The following JAKMIP1 variants were observed in gnomAD, a reference collection of about 807,000 sequenced individuals.
JAKMIP1 encodes the protein janus kinase and microtubule interacting protein 1.
JAKMIP1 carries 33 observed loss-of-function variants against 113.0 expected under a neutral mutation model. The ratio of observed to expected loss-of-function variants is 0.29; its 90% CI spans 0.22 to 0.39. The LOEUF is 0.39. JAKMIP1 is among the 10% of genes least tolerant of loss of function. JAKMIP1 has a pLI of 1.00. For synonymous variants in JAKMIP1, 480 were observed against 459.9 expected, an observed-to-expected ratio of 1.04 and a Z score of -0.56; for missense variants, 813 against 1,080.5, an observed-to-expected ratio of 0.75 and a Z score of 3.47.
intron 8 of JAKMIP1, among the ~76,000 whole-genome samples, chr4:6,077,404 G>A (rs1719829799): frequency 6.6e-6 from 1 of 152,088 alleles, no homozygotes; most frequent in Non-Finnish European, 1.5e-5. Context: ...GGGTTTTAGA[G>A]GGAGGGAACG....
rs114314262 is a variant in JAKMIP1, at chr4:6,137,812, G to A, written c.-147-24815C>T. On this transcript the variant is annotated intron_variant, in intron 1 of 20. Coordinates refer to ENST00000409021, the MANE Select transcript of JAKMIP1 (RefSeq NM_001099433.2). This position sits in a 1 kb window ranked among gnomAD's most constrained non-coding sequence, Gnocchi z 4.5. ...TGAGAGCCAGGTGGGGATAGGACAA[G>A]GTGCCCACTGGCTGGCATGGGCCTG... Among the ~76,000 whole-genome samples the A allele has an allele frequency of 2.2e-4, 33 of 152,366 alleles. No individual in the cohort carries two copies. The highest frequency in any genetic ancestry group is 7.2e-4 in the African/African-American group (30 of 41,588).
At position 6,185,741 on chromosome 4, in the gene JAKMIP1, G is replaced by A. The variant is rs1726590010; in HGVS notation, c.-148+14512C>T. On this transcript the variant is annotated intron_variant, in intron 1 of 20. Transcript: ENST00000409021. The surrounding 1 kb of genome is among the most constrained non-coding windows in gnomAD (Gnocchi z 5.3). ...CTGTGGTTCTGAGCTGCTCCCAGGT[G>A]AGGCTGCTGCTGGCCCAGGACCTCA... 6.6e-6 allele frequency among the ~76,000 whole-genome samples: 1 copy of A among 152,178 alleles called. No homozygotes were observed. The highest frequency in any genetic ancestry group is 2.4e-5 in the African/African-American group (1 of 41,438).
rs980629704 is a variant in JAKMIP1, at chr4:6,088,796, C to G, written c.625-3167G>C. Among the ~76,000 whole-genome samples the G allele has an allele frequency of 3.3e-5, 5 of 152,186 alleles. No homozygotes were observed. The highest frequency in any genetic ancestry group is 1.2e-4 in the African/African-American group (5 of 41,448). ...TGCCCTTGGGATGCTGATGAAATCT[C>G]AAGCTTCCTGGAACTGCTCACCTGA... On this transcript the variant is annotated intron_variant, in intron 3 of 20. Coordinates refer to ENST00000409021, the MANE Select transcript of JAKMIP1 (RefSeq NM_001099433.2). The surrounding 1 kb of genome is among the most constrained non-coding windows in gnomAD (Gnocchi z 5.5).
At position 6,157,853 on chromosome 4, in the gene JAKMIP1, A is replaced by T. The variant is rs1277206912; in HGVS notation, c.-148+42400T>A. Among the ~76,000 whole-genome samples the T allele has an allele frequency of 6.6e-6, 1 of 152,230 alleles. No homozygotes were observed. Among genetic ancestry groups the T allele is most frequent in the Non-Finnish European group, 1.5e-5 (1 of 68,036 alleles). On this transcript the variant is annotated intron_variant, in intron 1 of 20. Transcript: ENST00000409021. This position sits in a 1 kb window ranked among gnomAD's most constrained non-coding sequence, Gnocchi z 4.7. ...ACTTAAATTAGATGCCAACACAGCT[A>T]ACAGATTGTTGTCTATTTCCTTTCC...
chr4:6,126,542 C>T (rs961370975), intron 1 of JAKMIP1, among the ~76,000 whole-genome samples: 1 of 150,538 alleles, frequency 6.6e-6, no homozygotes, highest in South Asian at 2.1e-4. Flanking sequence ...CAGAAACACA[C>T]ACACACAAAC....
At chr4:6,079,437 A>T (rs747779458) in intron 7 of JAKMIP1, among the ~76,000 whole-genome samples, 3 of 152,150 alleles carry the variant, frequency 2.0e-5, no homozygotes, top group Non-Finnish European at 2.9e-5. Flanking sequence ...CAAAATGAAC[A>T]TGAAAATTAT....
chr4:6,049,734 AAAAAC>A lies in JAKMIP1; in HGVS notation c.1962+80_1962+84del, dbSNP rs907000654. On this transcript the variant is annotated intron_variant, in intron 15 of 20. Transcript: ENST00000409021. This position sits in a 1 kb window ranked among gnomAD's most constrained non-coding sequence, Gnocchi z 7.0. Reference sequence around the variant, plus strand: ...AGATCTCTTACATCAGAGAGAAATTAAAAACAAAACAAAACAAAAGTCACACAGAA... The same window carrying A: ...AGATCTCTTACATCAGAGAGAAATTAAAAACAAAACAAAAGTCACACAGAA... The A allele has an allele frequency of 1.5e-5, 15 of 1,034,226 alleles. No individual in the cohort carries two copies. The highest frequency in any genetic ancestry group is 1.1e-4 in the African/African-American group (7 of 63,046). 64.1% of individuals were successfully genotyped at this position (1,034,226 alleles called of 1,614,324 possible).
chr4:6,050,543 T>A lies in JAKMIP1; in HGVS notation c.1908+35A>T. 3 of 1,476,302 alleles carry A rather than the reference T, an allele frequency of 2.0e-6. No homozygotes were observed. The highest frequency in any genetic ancestry group is 2.8e-6 in the Non-Finnish European group (3 of 1,079,208). 91.5% of individuals were successfully genotyped at this position (1,476,302 alleles called of 1,614,324 possible). A position where few individuals can be genotyped will look rare whatever the true frequency, so the allele number is the denominator to read the frequency against. The stretch of plus-strand genomic sequence containing the variant: ...GCCGGGCACTGAGCGAGCCCTTGGC[T>A]GGCATTCAGCAGAGGCACCCCCCAG... On this transcript the variant is annotated intron_variant, in intron 14 of 20. Transcript: ENST00000409021. This position sits in a 1 kb window ranked among gnomAD's most constrained non-coding sequence, Gnocchi z 7.4.
Position 6,080,183 on chromosome 4 carries a change from C to T in JAKMIP1, c.1231G>A (p.Asp411Asn), listed in dbSNP as rs375128464. ...TGTGCTAGATGTACCAGTGAGAGGT[C>T]GTCAATGACGTGCTGCTGCTCCAGC... ...QVLEQQHVIDDLSLERERLLR... is the reference protein window; with the variant it reads ...QVLEQQHVIDNLSLERERLLR... Residue 411 changes from aspartate to asparagine, a missense_variant, in exon 7 of 21, where the codon GAC becomes AAC. Coordinates refer to ENST00000409021, the MANE Select transcript of JAKMIP1 (RefSeq NM_001099433.2). The surrounding 1 kb of genome is among the most constrained non-coding windows in gnomAD (Gnocchi z 6.0). The T allele has an allele frequency of 1.4e-5, 22 of 1,608,712 alleles. No individual in the cohort carries two copies. Among genetic ancestry groups the T allele is most frequent in the South Asian group, 2.2e-5 (2 of 90,080 alleles).
rs946163881 is a variant in JAKMIP1, at chr4:6,135,511, A to G, written c.-147-22514T>C. ...CATGGCAGCCCCTGAAGACTGATAC[A>G]GAGATGCTCCTTGAGCTGCCCGACC... On this transcript the variant is annotated intron_variant, in intron 1 of 20. Coordinates refer to ENST00000409021, the MANE Select transcript of JAKMIP1 (RefSeq NM_001099433.2). The surrounding 1 kb of genome is among the most constrained non-coding windows in gnomAD (Gnocchi z 4.9). 1.3e-5 allele frequency among the ~76,000 whole-genome samples: 2 copies of G among 152,142 alleles called. No homozygotes were observed. Among genetic ancestry groups the G allele is most frequent in the African/African-American group, 4.8e-5 (2 of 41,428 alleles).
Position 6,059,006 on chromosome 4 carries a change from C to A in JAKMIP1, c.1644+1418G>T, listed in dbSNP as rs1716871971. On this transcript the variant is annotated intron_variant, in intron 11 of 20. Transcript: ENST00000409021. This position sits in a 1 kb window ranked among gnomAD's most constrained non-coding sequence, Gnocchi z 4.8. ...TTAATGTGTTAGGTATTATTATTAG[C>A]CCCATTTTAAAGATGAGGAAACGGA... Among the ~76,000 whole-genome samples, 1 of 152,172 alleles carries A rather than the reference C, an allele frequency of 6.6e-6. No individual in the cohort carries two copies. Among genetic ancestry groups the A allele is most frequent in the Non-Finnish European group, 1.5e-5 (1 of 68,026 alleles).
intron 20 of JAKMIP1, among the ~76,000 whole-genome samples, chr4:6,027,469 G>C (rs1258831303): frequency 1.3e-5 from 2 of 152,198 alleles, no homozygotes; most frequent in Non-Finnish European, 2.9e-5. Context: ...TGGCAGGAAA[G>C]AGTTTCTGGC....
In JAKMIP1 at chr4:6,049,299, G is replaced by C. The variant is rs981127496; in HGVS notation, c.1963-377C>G. ...GATCCGCCAGCCTCAGCCTTCCAAAGTGCTGGGATTACAGGCGTGAGCCAC... is the reference window on the plus strand; with the variant it reads ...GATCCGCCAGCCTCAGCCTTCCAAACTGCTGGGATTACAGGCGTGAGCCAC... On this transcript the variant is annotated intron_variant, in intron 15 of 20. Transcript: ENST00000409021. This position sits in a 1 kb window ranked among gnomAD's most constrained non-coding sequence, Gnocchi z 7.0. 6.6e-6 allele frequency among the ~76,000 whole-genome samples: 1 copy of C among 152,210 alleles called. No individual in the cohort carries two copies. The highest frequency in any genetic ancestry group is 2.4e-5 in the African/African-American group (1 of 41,446).
chr4:6,063,720 A>G (rs1447048274), intron 9 of JAKMIP1, among the ~76,000 whole-genome samples: 1 of 152,194 alleles, frequency 6.6e-6, no homozygotes, highest in East Asian at 1.9e-4. Flanking sequence ...TGGCAAATAG[A>G]CCCATGGGAG....
chr4:6,107,616 A>G (rs1183078962), intron 2 of JAKMIP1, among the ~76,000 whole-genome samples: 3 of 152,216 alleles, frequency 2.0e-5, no homozygotes, highest in Non-Finnish European at 4.4e-5. Context: ...TCCCGGCTGC[A>G]CTGGGACTCG....
At chr4:6,119,324 A>G (rs1716350749) in intron 1 of JAKMIP1, among the ~76,000 whole-genome samples, 1 of 151,772 alleles carries the variant, frequency 6.6e-6, no homozygotes, top group Non-Finnish European at 1.5e-5. Flanking sequence ...CAGGTGGATC[A>G]CCTGAGGTTG....
intron 12 of JAKMIP1, chr4:6,054,944 G>T: frequency 2.3e-6 from 1 of 438,178 alleles, no homozygotes. Context: ...GTTTTCTGCG[G>T]CTCCCTGGAT....
intron 17 of JAKMIP1, among the ~76,000 whole-genome samples, chr4:6,041,377 C>T (rs995620270): frequency 2.6e-5 from 4 of 152,194 alleles, no homozygotes; most frequent in African/African-American, 9.7e-5. Context: ...AAACCCAGGC[C>T]TTCTGGCATC....
chr4:6,099,440 C>A (rs926833408), intron 3 of JAKMIP1, among the ~76,000 whole-genome samples: 1 of 152,240 alleles, frequency 6.6e-6, no homozygotes, highest in African/African-American at 2.4e-5. Flanking sequence ...GCGTCACGCA[C>A]CCCCTCAGAC....
Sources: allele counts gnomAD v4.1 joint callset (sites outside exome capture counted in the v4.1 genomes callset), GRCh38; gene constraint gnomAD v4.1.1; non-coding constraint Gnocchi (gnomAD v3.1); transcripts MANE v1.5; gene names NCBI Gene and HGNC (gene_info 2026-07-23, HGNC 2026-07-21).